PCSK5: variants seen among roughly 807,000 people sequenced by gnomAD.
The protein encoded by PCSK5 is proprotein convertase subtilisin/kexin type 5.
PCSK5 carries 129 observed loss-of-function variants against 233.2 expected under a neutral mutation model. That is an observed-to-expected ratio of 0.55 (90% confidence interval 0.48 to 0.64). The LOEUF is 0.64. Among genes scored for constraint, PCSK5 ranks in the 30% least tolerant of loss-of-function variants. The pLI is 0.00. For missense variants in PCSK5, 2,076 were observed against 2,430.1 expected, an observed-to-expected ratio of 0.85 and a Z score of 3.06; for synonymous variants, 825 against 879.2, an observed-to-expected ratio of 0.94 and a Z score of 1.09.
chr9:76,351,529 A>AAAGAAAGAAAGAAAGAAAGAAAGAAAGG (rs1554724839), intron 36 of PCSK5, among the ~76,000 whole-genome samples: 1 of 108,614 alleles, frequency 9.2e-6, no homozygotes, highest in African/African-American at 3.2e-5. Flanking sequence ...AGAAAGAAAG[A>AAAGAAAGAAAGAAAGAAAGAAAGAAAGG]AAGGAAGGAA....
intron 32 of PCSK5, 84 bp downstream of exon 32, chr9:76,323,372 CT>C (rs1564180338): frequency 5.9e-5 from 46 of 779,542 alleles, no homozygotes; most frequent in East Asian, 1.0e-4. Context: ...TCATCTCAAT[CT>C]TTTTTTTGTT....
chr9:76,316,041 C>A lies in PCSK5; in HGVS notation c.3884+5190C>A, dbSNP rs573124876. ...GAGAGGGATCTGAAAAAGATTTATTCGTGTTGCGTCTTTTTAGCTCTGTAT... is the reference window on the plus strand; with the variant it reads ...GAGAGGGATCTGAAAAAGATTTATTAGTGTTGCGTCTTTTTAGCTCTGTAT... On this transcript the variant is annotated intron_variant, in intron 30 of 37. Transcript: ENST00000674117. Among the ~76,000 whole-genome samples the A allele has an allele frequency of 3.5e-5, 5 of 142,660 alleles. No homozygotes were observed. In the Admixed American group the frequency reaches 3.8e-4, roughly 11 times the overall value. The allele number at this position is 142,660 out of a possible 152,430, so 93.6% of individuals were successfully genotyped here. A position where few individuals can be genotyped will look rare whatever the true frequency, so the allele number is the denominator to read the frequency against.
At chr9:76,065,656 A>G (rs1458112379) in intron 5 of PCSK5, among the ~76,000 whole-genome samples, 4 of 152,162 alleles carry the variant, frequency 2.6e-5, no homozygotes, top group Non-Finnish European at 5.9e-5. Context: ...TTTTAGCTTT[A>G]TATAATTGCA....
At chr9:76,349,951 C>T (rs1056318517) in intron 35 of PCSK5, among the ~76,000 whole-genome samples, 14 of 152,012 alleles carry the variant, frequency 9.2e-5, no homozygotes, top group African/African-American at 3.4e-4. Flanking sequence ...TATTTGGTGG[C>T]TCATGTGCTA....
At chr9:76,332,202 G>T (rs1441946878) in intron 33 of PCSK5, among the ~76,000 whole-genome samples, 1 of 152,190 alleles carries the variant, frequency 6.6e-6, no homozygotes, top group Middle Eastern at 3.2e-3. Flanking sequence ...GTGGGACACA[G>T]AGCCAAACCA....
At chr9:76,243,881 CTTTG>C (rs758492512) in intron 24 of PCSK5, among the ~76,000 whole-genome samples, 20 of 152,202 alleles carry the variant, frequency 1.3e-4, no homozygotes, top group Admixed American at 6.5e-5. Flanking sequence ...TCTAATCAAA[CTTTG>C]TTTATGAACC....
intron 21 of PCSK5, among the ~76,000 whole-genome samples, chr9:76,228,400 C>T (rs1825966766): frequency 6.6e-6 from 1 of 152,224 alleles, no homozygotes; most frequent in Non-Finnish European, 1.5e-5. Flanking sequence ...ATAAGAGCAG[C>T]TGTAGCCTTT....
intron 24 of PCSK5, among the ~76,000 whole-genome samples, chr9:76,270,154 G>A (rs1827467333): frequency 6.6e-6 from 1 of 151,962 alleles, no homozygotes; most frequent in African/African-American, 2.4e-5. Flanking sequence ...AGCAATTCGG[G>A]CAAAAATTAA....
At chr9:75,950,153 CG>C (rs1162749995) in intron 2 of PCSK5, among the ~76,000 whole-genome samples, 4 of 55,200 alleles carry the variant, frequency 7.2e-5, no homozygotes, top group Non-Finnish European at 1.5e-4. Context: ...GTGGGGGGGG[CG>C]GGGAGGGGGG....
intron 24 of PCSK5, among the ~76,000 whole-genome samples, chr9:76,270,428 C>T (rs908530806): frequency 2.6e-5 from 4 of 152,134 alleles, no homozygotes; most frequent in Admixed American, 6.5e-5. Context: ...ACTGAATGCC[C>T]ACTCCCTTTG....
chr9:76,279,392 C>T (rs1319163006), intron 24 of PCSK5, among the ~76,000 whole-genome samples: 3 of 150,376 alleles, frequency 2.0e-5, no homozygotes, highest in Non-Finnish European at 4.4e-5. Context: ...TGTGTCTTTA[C>T]AGCAGCATGA....
At chr9:76,127,361 A>G (rs1822550863) in intron 9 of PCSK5, among the ~76,000 whole-genome samples, 1 of 152,188 alleles carries the variant, frequency 6.6e-6, no homozygotes, top group Non-Finnish European at 1.5e-5. Context: ...ACCAAAGAAC[A>G]TCTCACTATC....
At chr9:75,903,562 A>ATGTG (rs139359219) in intron 1 of PCSK5, among the ~76,000 whole-genome samples, 30,080 of 136,212 alleles carry the variant, frequency 0.22, 3,788 homozygotes, top group African/African-American at 0.3. Flanking sequence ...GTGTGTATAT[A>ATGTG]TGTGTGTGTG....
At chr9:75,963,638 C>T (rs1825448675) in intron 2 of PCSK5, among the ~76,000 whole-genome samples, 3 of 152,128 alleles carry the variant, frequency 2.0e-5, no homozygotes, top group Non-Finnish European at 2.9e-5. Context: ...CCCAGCACTT[C>T]GGGAGGCCGA....
chr9:76,242,225 A>G lies in PCSK5; in HGVS notation c.3142+1541A>G, dbSNP rs73460400. Among the ~76,000 whole-genome samples, 1,213 of 152,314 alleles carry G rather than the reference A, an allele frequency of 8.0e-3. 15 individuals carry two copies. The highest frequency in any genetic ancestry group is 0.028 in the African/African-American group (1,180 of 41,564). The stretch of plus-strand genomic sequence containing the variant: ...CACACATTTATCATTTCGTTGTGCT[A>G]GGAATATTCTAAATCTTCTCTTTGA... On this transcript the variant is annotated intron_variant, in intron 24 of 37. Transcript: ENST00000674117.
intron 32 of PCSK5, among the ~76,000 whole-genome samples, chr9:76,327,738 A>C (rs1222532625): frequency 6.6e-6 from 1 of 152,164 alleles, no homozygotes; most frequent in Non-Finnish European, 1.5e-5. Flanking sequence ...GAGCCTTACT[A>C]ATATTTCTGA....
chr9:76,281,588 T>C (rs553167614), intron 24 of PCSK5, among the ~76,000 whole-genome samples: 8 of 152,202 alleles, frequency 5.3e-5, no homozygotes, highest in Non-Finnish European at 8.8e-5. Flanking sequence ...TTAATGTTGT[T>C]TTCATACCTG....
intron 21 of PCSK5, 91 bp from the exon 22 acceptor site, chr9:76,233,369 G>C (rs1219982868): frequency 1.5e-6 from 2 of 1,306,088 alleles, no homozygotes; most frequent in African/African-American, 1.4e-5. Context: ...AGTCAAATCT[G>C]TCCAGCAAAC....
chr9:75,994,601 T>C (rs1161839677), intron 3 of PCSK5, among the ~76,000 whole-genome samples: 2 of 151,870 alleles, frequency 1.3e-5, no homozygotes, highest in South Asian at 2.1e-4. Context: ...TTTTTGTATT[T>C]TTAGTAGAGA....
Sources: gnomAD v4.1 joint callset for allele counts (sites outside exome capture counted in the v4.1 genomes callset) on GRCh38, gnomAD v4.1.1 for gene constraint, MANE v1.5 for transcripts, NCBI Gene and HGNC (gene_info 2026-07-23, HGNC 2026-07-21) for gene names.